The following CARF variants were observed in gnomAD, a reference collection of about 807,000 sequenced individuals.
CARF encodes the protein calcium-responsive transcription factor.
A neutral mutation model predicts 82.0 loss-of-function variants in CARF; 57 were observed. The observed-to-expected ratio is 0.70, with a 90% CI of 0.56 to 0.87. The LOEUF (loss-of-function observed/expected upper bound fraction) is 0.87, where lower values mean the gene tolerates loss of function less well. CARF is among the 40% of genes least tolerant of loss of function. The probability of loss-of-function intolerance (pLI) is 0.00; values close to 1 mark genes in which losing one functional copy is unlikely to be tolerated. For synonymous variants in CARF, 268 were observed against 290.1 expected, an observed-to-expected ratio of 0.92 and a Z score of 0.77; for missense variants, 771 against 855.8, an observed-to-expected ratio of 0.90 and a Z score of 1.24.
rs147985497 is a variant in CARF at position 202,928,317 on chromosome 2, G to A, written c.-44+3902G>A. 4.1e-3 allele frequency among the ~76,000 whole-genome samples: 630 copies of A among 152,018 alleles called. 2 individuals are homozygous for A. Among genetic ancestry groups the A allele is most frequent in the Non-Finnish European group, 7.0e-3 (478 of 67,972 alleles). ...ATGACAGAATTTCATTTTTTTTAATGGCTAAATAGTATTCTATTGTGTATA... is the reference window on the plus strand; with the variant it reads ...ATGACAGAATTTCATTTTTTTTAATAGCTAAATAGTATTCTATTGTGTATA... On this transcript the variant is annotated intron_variant, in intron 3 of 16. Coordinates refer to ENST00000438828, the MANE Select transcript of CARF (RefSeq NM_024744.17).
chr2:202,915,031 G>A (rs1008768908), intron 1 of CARF, among the ~76,000 whole-genome samples: 7 of 151,010 alleles, frequency 4.6e-5, no homozygotes, highest in Non-Finnish European at 1.0e-4. Flanking sequence ...TTGGTTTTTT[G>A]TTTTTTTTCA....
chr2:202,916,806 GGCCCAAGTATGGTCCTTGAAGGA>G lies in CARF; in HGVS notation c.-329-1069_-329-1047del, dbSNP rs200040286. Among the ~76,000 whole-genome samples, 406 of 152,192 alleles carry G rather than the reference GGCCCAAGTATGGTCCTTGAAGGA, an allele frequency of 2.7e-3. 11 individuals are homozygous for G. The highest frequency in any genetic ancestry group is 0.019 in the Admixed American group (298 of 15,284). ...TGTTGAATAAGATCCTAACAGCAGT[GGCCCAAGTATGGTCCTTGAAGGA>G]GACATGACAACAACCTGAATCGTCT... On this transcript the variant is annotated intron_variant, in intron 1 of 16. Coordinates refer to ENST00000438828, the MANE Select transcript of CARF (RefSeq NM_024744.17).
intron 8 of CARF, among the ~76,000 whole-genome samples, chr2:202,957,944 A>G (rs910570979): frequency 2.7e-5 from 4 of 148,796 alleles, no homozygotes; most frequent in African/African-American, 7.4e-5. Flanking sequence ...ACTCCATCTC[A>G]AAAAAAAAAA....
intron 3 of CARF, among the ~76,000 whole-genome samples, chr2:202,937,769 C>T (rs1694179851): frequency 6.6e-6 from 1 of 151,824 alleles, no homozygotes; most frequent in Admixed American, 6.6e-5. Context: ...GAATTATAGG[C>T]GTGCGCCACC....
chr2:202,980,661 T>TATATATATAC (rs1309966072), intron 14 of CARF, among the ~76,000 whole-genome samples: 11 of 125,424 alleles, frequency 8.8e-5, no homozygotes, highest in African/African-American at 3.4e-4. Flanking sequence ...TATATATATA[T>TATATATATAC]AGTTGTGCCT....
chr2:202,972,961 A>C (rs1312020828), intron 12 of CARF, among the ~76,000 whole-genome samples: 4 of 152,122 alleles, frequency 2.6e-5, no homozygotes, highest in African/African-American at 4.8e-5. Context: ...TTTGTAAAAG[A>C]AGCAGGGGTC....
In CARF at chr2:202,964,902, C is replaced by T. The variant is rs111643099; in HGVS notation, c.833-2076C>T. Reference sequence around the variant, plus strand: ...ATATGTGTATATATATATATATATACACACACACACATACATATATGAGAA... The same window carrying T: ...ATATGTGTATATATATATATATATATACACACACACATACATATATGAGAA... On this transcript the variant is annotated intron_variant, in intron 9 of 16. Transcript: ENST00000438828. Among the ~76,000 whole-genome samples, 106 of 104,914 alleles carry T rather than the reference C, an allele frequency of 1.0e-3. 1 individual carries two copies. The East Asian group carries it at 0.014, about 13-fold the overall frequency. 68.8% of individuals were successfully genotyped at this position (104,914 alleles called of 152,430 possible). A position where few individuals can be genotyped will look rare whatever the true frequency, so the allele number is the denominator to read the frequency against.
chr2:202,914,116 C>T (rs1689157377), intron 1 of CARF, among the ~76,000 whole-genome samples: 1 of 151,992 alleles, frequency 6.6e-6, no homozygotes, highest in Non-Finnish European at 1.5e-5. Flanking sequence ...GATGCTTTTA[C>T]TTTGAGTCTT....
chr2:202,955,774 T>A lies in CARF; in HGVS notation c.642+16T>A. The A allele has an allele frequency of 6.3e-7, 1 of 1,587,112 alleles. No individual in the cohort carries two copies. The highest frequency in any genetic ancestry group is 8.6e-7 in the Non-Finnish European group (1 of 1,161,256). On this transcript the variant is annotated intron_variant, in intron 8 of 16. Coordinates refer to ENST00000438828, the MANE Select transcript of CARF (RefSeq NM_024744.17). ...GAGCTGTGAGGTGAGTTATAAATAA[T>A]CATTACCTAGAATTACTTAACTGAT...
In CARF at chr2:202,912,496, C is replaced by T. The variant is rs1688783767; in HGVS notation, c.-936C>T. Reference sequence around the variant, plus strand: ...CCCCCCGTCTTCCTCCTGCCTCCTCCTCCTCCCGTCACCTCCTGACCCGCC... The same window carrying T: ...CCCCCCGTCTTCCTCCTGCCTCCTCTTCCTCCCGTCACCTCCTGACCCGCC... On this transcript the variant is annotated 5_prime_UTR_variant, in exon 1 of 17. Transcript: ENST00000438828. 1 of 147,900 alleles carries T rather than the reference C, an allele frequency of 6.8e-6. No individual in the cohort carries two copies. The highest frequency in any genetic ancestry group is 1.5e-5 in the Non-Finnish European group (1 of 66,560). The allele number at this position is 147,900 out of a possible 1,614,324, so 9.2% of individuals were successfully genotyped here.
At chr2:202,916,741 A>G (rs1018911313) in intron 1 of CARF, among the ~76,000 whole-genome samples, 12 of 152,202 alleles carry the variant, frequency 7.9e-5, no homozygotes, top group East Asian at 5.8e-4. Context: ...GATATTACAC[A>G]TAAGAAATTG....
rs1306935976 is a variant in CARF at position 202,981,704 on chromosome 2, A to G, written c.1689+19A>G. ...ACTACAGGTAGGTATCCAGTAAAAT[A>G]TCCAAATTTGAGGTCCTTCTCTTTA... is the stretch of plus-strand genomic sequence containing the variant. On this transcript the variant is annotated intron_variant, in intron 15 of 16. Coordinates refer to ENST00000438828, the MANE Select transcript of CARF (RefSeq NM_024744.17). 1 of 1,602,156 alleles carries G rather than the reference A, an allele frequency of 6.2e-7. No homozygotes were observed. Among genetic ancestry groups the G allele is most frequent in the Non-Finnish European group, 8.5e-7 (1 of 1,174,344 alleles).
chr2:202,967,271 T>A (rs1442340403), intron 10 of CARF, among the ~76,000 whole-genome samples, 173 bp downstream of exon 10: 1 of 152,208 alleles, frequency 6.6e-6, no homozygotes, highest in Non-Finnish European at 1.5e-5. Context: ...GTTTTTTGAG[T>A]CATCTTCCAA....
Position 202,985,703 on chromosome 2 carries a change from G to A in CARF, c.*2079G>A, listed in dbSNP as rs1298853118. On this transcript the variant is annotated 3_prime_UTR_variant, in exon 17 of 17. Transcript: ENST00000438828. ...TTCTTTTGTTATTTCTAGTTTTTAT[G>A]GAATCCTTTTCTTTCAAGATTCTAA... is the stretch of plus-strand genomic sequence containing the variant. The A allele has an allele frequency of 6.6e-6, 1 of 151,972 alleles. No homozygotes were observed. The highest frequency in any genetic ancestry group is 1.5e-5 in the Non-Finnish European group (1 of 67,932). 9.4% of individuals were successfully genotyped at this position (151,972 alleles called of 1,614,324 possible).
In CARF at chr2:202,952,621, A is replaced by G. The variant is rs183678156; in HGVS notation, c.369A>G (p.Thr123=). Residue 123 remains threonine, a synonymous_variant, in exon 6 of 17, where the codon ACA becomes ACG. Transcript: ENST00000438828. ...TTCGTGTAATTCCACCTACCCAGAC[A>G]GGAATGGCACAAGTGATTATACCTC... ...QVLRVIPPTQ[T]GMAQVIIPQG... 6.2e-7 allele frequency: 1 copy of G among 1,613,924 alleles called. No homozygotes were observed. The highest frequency in any genetic ancestry group is 2.2e-5 in the East Asian group (1 of 44,846).
chr2:202,927,500 G>A (rs1692074912), intron 3 of CARF, among the ~76,000 whole-genome samples: 1 of 151,832 alleles, frequency 6.6e-6, no homozygotes, highest in Admixed American at 6.6e-5. Context: ...ATCTATTCTT[G>A]CAGCAGTTTT....
rs905461795 is a variant in CARF, at chr2:202,986,002, G to C, written c.*2378G>C. The stretch of plus-strand genomic sequence containing the variant: ...TCTGATACTGTTTTTTAATCAGAAA[G>C]TTACAGAGCAACTTTCCCACAAACA... On this transcript the variant is annotated 3_prime_UTR_variant, in exon 17 of 17. Transcript: ENST00000438828. 6.6e-6 allele frequency: 1 copy of C among 151,974 alleles called. No individual in the cohort carries two copies. The highest frequency in any genetic ancestry group is 1.5e-5 in the Non-Finnish European group (1 of 67,930). The allele number at this position is 151,974 out of a possible 1,614,324, so 9.4% of individuals were successfully genotyped here. A position where few individuals can be genotyped will look rare whatever the true frequency, so the allele number is the denominator to read the frequency against.
At chr2:202,972,911 C>T (rs775952222) in intron 12 of CARF, among the ~76,000 whole-genome samples, 6 of 152,048 alleles carry the variant, frequency 3.9e-5, no homozygotes, top group Admixed American at 1.3e-4. Flanking sequence ...TTATATCGTT[C>T]TGTTCAACGT....
At chr2:202,953,765 TACC>T (rs939217590) in intron 6 of CARF, among the ~76,000 whole-genome samples, 3 of 152,098 alleles carry the variant, frequency 2.0e-5, no homozygotes, top group Non-Finnish European at 4.4e-5. Context: ...CAATTATTTC[TACC>T]ACTTTTATAT....
Sources: gnomAD v4.1 joint callset for allele counts (sites outside exome capture counted in the v4.1 genomes callset) on GRCh38, gnomAD v4.1.1 for gene constraint, MANE v1.5 for transcripts, NCBI Gene and HGNC (gene_info 2026-07-23, HGNC 2026-07-21) for gene names.